MCTP1: variants seen among roughly 807,000 people sequenced by gnomAD.
MCTP1 encodes the protein multiple C2 and transmembrane domain-containing protein 1.
Under a neutral mutation model 120.6 loss-of-function variants are expected in MCTP1, and 69 were observed. That is an observed-to-expected ratio of 0.57 (90% CI 0.47 to 0.70). MCTP1 has a LOEUF of 0.70. Among genes scored for constraint, MCTP1 ranks in the 30% least tolerant of loss-of-function variants. The pLI is 0.00. For missense variants in MCTP1, 1,203 were observed against 1,248.8 expected (o/e 0.96, Z 0.55); for synonymous variants, 529 against 493.1 (o/e 1.07, Z -0.96).
chr5:95,202,479 T>C (rs1751174186), intron 1 of MCTP1, among the ~76,000 whole-genome samples: 1 of 152,200 alleles, frequency 6.6e-6, no homozygotes, highest in Admixed American at 6.5e-5. Context: ...ACAAATCTTA[T>C]CTATTGATTG....
intron 1 of MCTP1, chr5:95,081,500 C>G (rs1166535743): frequency 2.5e-6 from 4 of 1,605,756 alleles, no homozygotes; most frequent in Admixed American, 1.7e-5. Flanking sequence ...TAGAAATGAA[C>G]AAAACATCTT....
chr5:94,915,665 G>GT (rs904133071), intron 8 of MCTP1, among the ~76,000 whole-genome samples: 3 of 151,804 alleles, frequency 2.0e-5, no homozygotes, highest in Middle Eastern at 3.2e-3. Flanking sequence ...TTGTTTTCTG[G>GT]TTTTTTTGTT....
intron 2 of MCTP1, among the ~76,000 whole-genome samples, chr5:94,966,659 G>A (rs1180964070): frequency 6.6e-6 from 1 of 152,106 alleles, no homozygotes; most frequent in South Asian, 2.1e-4. Flanking sequence ...ACAAGGCGTG[G>A]TGGCGGGCAC....
intron 7 of MCTP1, among the ~76,000 whole-genome samples, chr5:94,922,858 T>A (rs1468614120): frequency 6.6e-6 from 1 of 152,168 alleles, no homozygotes; most frequent in East Asian, 1.9e-4. Context: ...ACTCATCCTG[T>A]GTGTTCCTGG....
At chr5:95,152,313 G>T (rs558468298) in intron 1 of MCTP1, among the ~76,000 whole-genome samples, 9 of 152,152 alleles carry the variant, frequency 5.9e-5, no homozygotes, top group Non-Finnish European at 1.3e-4. Context: ...GCATGCAATG[G>T]AAATGAGCTT....
intron 2 of MCTP1, among the ~76,000 whole-genome samples, chr5:95,010,616 C>A (rs1835747201): frequency 6.6e-6 from 1 of 152,012 alleles, no homozygotes; most frequent in Non-Finnish European, 1.5e-5. Context: ...TTCGCTAATG[C>A]CAGGCAAGTA....
chr5:95,101,620 G>C (rs554345433), intron 1 of MCTP1, among the ~76,000 whole-genome samples: 1 of 152,306 alleles, frequency 6.6e-6, no homozygotes, highest in South Asian at 2.1e-4. Context: ...TGTGCCCAGG[G>C]AAAGGGGGCT....
chr5:94,983,753 G>A (rs1829955839), intron 2 of MCTP1, among the ~76,000 whole-genome samples: 2 of 152,082 alleles, frequency 1.3e-5, no homozygotes, highest in Admixed American at 6.6e-5. Context: ...ACATGGCTGG[G>A]TATCCCAATG....
At chr5:94,802,817 T>C (rs1344413254) in intron 17 of MCTP1, among the ~76,000 whole-genome samples, 1 of 152,218 alleles carries the variant, frequency 6.6e-6, no homozygotes, top group Non-Finnish European at 1.5e-5. Flanking sequence ...TGTCTAGCAT[T>C]TGTCCAGATC....
At chr5:95,105,855 T>C (rs1279634765) in intron 1 of MCTP1, among the ~76,000 whole-genome samples, 2 of 152,198 alleles carry the variant, frequency 1.3e-5, no homozygotes, top group African/African-American at 2.4e-5. Context: ...ATTAAGCCTT[T>C]TAATATTCCC....
intron 1 of MCTP1, among the ~76,000 whole-genome samples, chr5:95,218,866 C>A (rs1216650144): frequency 1.3e-5 from 2 of 152,090 alleles, no homozygotes; most frequent in African/African-American, 2.4e-5. Flanking sequence ...ACAATGGTAA[C>A]CATTTGTGTA....
chr5:94,780,685 CT>C (rs1312114084), intron 18 of MCTP1, among the ~76,000 whole-genome samples: 2 of 152,126 alleles, frequency 1.3e-5, no homozygotes, highest in Non-Finnish European at 2.9e-5. Flanking sequence ...AAGATGGACT[CT>C]TGACAGTCTC....
chr5:94,918,077 G>T lies in MCTP1; in HGVS notation c.1273-104C>A, dbSNP rs1810582335. The T allele has an allele frequency of 3.7e-6, 3 of 820,012 alleles. No homozygotes were observed. The South Asian group carries it at 4.9e-5, about 13-fold the overall frequency. The allele number at this position is 820,012 out of a possible 1,614,324, so 50.8% of individuals were successfully genotyped here. ...AATTACTCTTCAGAAAACATTATTTGAGAAAATTTGTATTTGCTTCTCAAG... is the reference window on the plus strand; with the variant it reads ...AATTACTCTTCAGAAAACATTATTTTAGAAAATTTGTATTTGCTTCTCAAG... On this transcript the variant is annotated intron_variant, in intron 7 of 22. Transcript: ENST00000515393.
intron 1 of MCTP1, among the ~76,000 whole-genome samples, chr5:95,113,655 T>G (rs902024603): frequency 6.6e-6 from 1 of 152,168 alleles, no homozygotes; most frequent in African/African-American, 2.4e-5. Flanking sequence ...GCAAGCCTTA[T>G]CATCGCAGGC....
At chr5:94,948,406 A>G (rs1306217184) in intron 3 of MCTP1, among the ~76,000 whole-genome samples, 4 of 152,166 alleles carry the variant, frequency 2.6e-5, no homozygotes, top group Non-Finnish European at 5.9e-5. Flanking sequence ...TTCTTTGCCC[A>G]CAATCCAAAA....
intron 19 of MCTP1, among the ~76,000 whole-genome samples, chr5:94,752,108 AAT>A (rs146434254): frequency 0.021 from 1,576 of 75,616 alleles, 62 homozygotes; most frequent in African/African-American, 0.025. Flanking sequence ...TAAATAATAA[AAT>A]ATATATATAT....
chr5:95,135,840 C>A (rs148385978), intron 1 of MCTP1, among the ~76,000 whole-genome samples: 3 of 152,222 alleles, frequency 2.0e-5, no homozygotes, highest in African/African-American at 7.2e-5. Flanking sequence ...ATGCAGTAAG[C>A]ATAATAGTAT....
chr5:95,025,275 T>C (rs1378485927), intron 1 of MCTP1, among the ~76,000 whole-genome samples: 1 of 152,174 alleles, frequency 6.6e-6, no homozygotes, highest in Non-Finnish European at 1.5e-5. Context: ...ACATTTATGA[T>C]CAATTGAGTT....
Position 95,104,624 on chromosome 5 carries a change from C to T in MCTP1, c.721-87140G>A, listed in dbSNP as rs533470670. Among the ~76,000 whole-genome samples, 16 of 152,208 alleles carry T rather than the reference C, an allele frequency of 1.1e-4. No homozygotes were observed. In the East Asian group the frequency reaches 2.9e-3, roughly 28 times the overall value. Reference sequence around the variant, plus strand: ...TTGCCTATGGATCCATATTTTAAAGCTTTATATTTGTGTTCTTCTACAATA... The same window carrying T: ...TTGCCTATGGATCCATATTTTAAAGTTTTATATTTGTGTTCTTCTACAATA... On this transcript the variant is annotated intron_variant, in intron 1 of 22. Transcript: ENST00000515393.
Sources: gnomAD v4.1 joint callset for allele counts (sites outside exome capture counted in the v4.1 genomes callset) on GRCh38, gnomAD v4.1.1 for gene constraint, MANE v1.5 for transcripts, NCBI Gene and HGNC (gene_info 2026-07-23, HGNC 2026-07-21) for gene names.